The following ASIP variants were observed in gnomAD, a reference collection of about 807,000 sequenced individuals.
ASIP encodes the protein agouti signaling protein.
In ASIP, 11 loss-of-function variants were observed where a neutral mutation model predicts 10.3. The ratio of observed to expected loss-of-function variants is 1.07; its 90% CI spans 0.68 to 1.78. ASIP has a LOEUF of 1.78. Among genes scored for constraint, ASIP ranks in the 40% most tolerant of loss-of-function variants. The pLI is 0.00. For missense variants in ASIP, 180 were observed against 169.2 expected, an observed-to-expected ratio of 1.06 and a Z score of -0.35; for synonymous variants, 70 against 70.8, an observed-to-expected ratio of 0.99 and a Z score of 0.06.
At chr20:34,253,469 T>A (rs1322859563) in intron 1 of ASIP, among the ~76,000 whole-genome samples, 1 of 150,088 alleles carries the variant, frequency 6.7e-6, no homozygotes, top group Non-Finnish European at 1.5e-5. Flanking sequence ...ATTTATTTAT[T>A]TATTTATTTA....
intron 1 of ASIP, chr20:34,213,972 C>A: frequency 6.3e-7 from 1 of 1,578,506 alleles, no homozygotes; most frequent in Non-Finnish European, 8.6e-7. Context: ...AATTTTCTAA[C>A]AGAATTTTAA....
intron 1 of ASIP, chr20:34,215,289 C>G: frequency 6.5e-7 from 1 of 1,541,100 alleles, no homozygotes; most frequent in Admixed American, 1.7e-5. Flanking sequence ...ACTGACACAT[C>G]ACTTCAGAAT....
At chr20:34,195,339 A>G (rs1314526115) in intron 1 of ASIP, among the ~76,000 whole-genome samples, 1 of 152,158 alleles carries the variant, frequency 6.6e-6, no homozygotes, top group Admixed American at 6.5e-5. Context: ...GAGTCTCCCA[A>G]CTGAGCTGAG....
chr20:34,225,140 C>T (rs1260894752), intron 1 of ASIP, among the ~76,000 whole-genome samples: 1 of 144,270 alleles, frequency 6.9e-6, no homozygotes, highest in Non-Finnish European at 1.5e-5. Flanking sequence ...CTCCTGGGTT[C>T]AAGCGATTCT....
upstream of ASIP, among the ~76,000 whole-genome samples, chr20:34,190,051 G>A (rs1403820824): frequency 2.0e-5 from 3 of 152,156 alleles, no homozygotes; most frequent in South Asian, 2.1e-4. Flanking sequence ...CTAACCCAGC[G>A]CCATGGACCA....
intron 1 of ASIP, among the ~76,000 whole-genome samples, chr20:34,217,554 C>G (rs534893079): frequency 6.6e-6 from 1 of 150,448 alleles, no homozygotes. Context: ...CTACTGAAAG[C>G]TTATTTATGT....
intron 1 of ASIP, among the ~76,000 whole-genome samples, chr20:34,253,957 A>G (rs2035526423): frequency 6.6e-6 from 1 of 152,240 alleles, no homozygotes; most frequent in South Asian, 2.1e-4. Context: ...GATATCACAC[A>G]TCAAATAACA....
At chr20:34,236,030 AAG>A (rs1398564594) in intron 1 of ASIP, among the ~76,000 whole-genome samples, 1 of 141,430 alleles carries the variant, frequency 7.1e-6, no homozygotes, top group Non-Finnish European at 1.5e-5. Context: ...GAGAAGAAGA[AAG>A]AGAAAGAAAC....
intron 1 of ASIP, chr20:34,213,436 G>T: frequency 2.1e-6 from 2 of 933,706 alleles, no homozygotes; most frequent in Non-Finnish European, 3.2e-6. Flanking sequence ...AAGTGGCTTT[G>T]GAATTGAGTC....
chr20:34,200,416 C>T (rs1332208207), intron 1 of ASIP, among the ~76,000 whole-genome samples: 1 of 152,218 alleles, frequency 6.6e-6, no homozygotes, highest in Non-Finnish European at 1.5e-5. Context: ...TGGTAATGTA[C>T]ATTGTGGGGT....
At chr20:34,236,539 C>A (rs1207937724), upstream of ASIP, among the ~76,000 whole-genome samples, 1 of 149,988 alleles carries the variant, frequency 6.7e-6, no homozygotes. Context: ...AGTGAAAACT[C>A]TGTCTCAAAA....
chr20:34,264,128 T>C (rs1026947356), intron 3 of ASIP, among the ~76,000 whole-genome samples: 2 of 152,200 alleles, frequency 1.3e-5, no homozygotes, highest in Admixed American at 6.5e-5. Context: ...TATCATACAA[T>C]ATACATAAAT....
chr20:34,261,245 C>A (rs2035684089), intron 2 of ASIP, among the ~76,000 whole-genome samples: 1 of 152,170 alleles, frequency 6.6e-6, no homozygotes, highest in Non-Finnish European at 1.5e-5. Flanking sequence ...CACCTGTAAT[C>A]CCAGCACTTT....
chr20:34,245,099 G>A (rs2035347585), intron 1 of ASIP, among the ~76,000 whole-genome samples: 1 of 151,938 alleles, frequency 6.6e-6, no homozygotes, highest in Admixed American at 6.6e-5. Context: ...ACTTTGGGAG[G>A]CCAAGGTGGG....
chr20:34,195,489 G>T (rs752990372), intron 1 of ASIP, among the ~76,000 whole-genome samples: 1 of 152,160 alleles, frequency 6.6e-6, no homozygotes, highest in Non-Finnish European at 1.5e-5. Context: ...GGGCACTTAC[G>T]CTGATGGCTT....
At chr20:34,192,522 T>TTC (rs1555820193), upstream of ASIP, among the ~76,000 whole-genome samples, 17 of 75,514 alleles carry the variant, frequency 2.3e-4, no homozygotes, top group South Asian at 2.7e-3. Context: ...TTTCTTCTTC[T>TTC]TTTTTTTTTT....
At chr20:34,243,622 T>TA (rs1004021656) in intron 1 of ASIP, among the ~76,000 whole-genome samples, 2 of 152,116 alleles carry the variant, frequency 1.3e-5, no homozygotes, top group Admixed American at 1.3e-4. Flanking sequence ...AATACATATG[T>TA]AACACATACC....
At chr20:34,223,237 G>C (rs994992500) in intron 1 of ASIP, among the ~76,000 whole-genome samples, 1 of 149,930 alleles carries the variant, frequency 6.7e-6, no homozygotes, top group African/African-American at 2.5e-5. Flanking sequence ...GTCTCTGCCC[G>C]GCCGCCCATC....
intron 1 of ASIP, among the ~76,000 whole-genome samples, chr20:34,260,019 G>A (rs1342143419): frequency 6.6e-6 from 1 of 151,724 alleles, no homozygotes; most frequent in Non-Finnish European, 1.5e-5. Flanking sequence ...CAACAACTCT[G>A]CCCAGGCCTG....
Sources: allele counts gnomAD v4.1 joint callset (sites outside exome capture counted in the v4.1 genomes callset), GRCh38; gene constraint gnomAD v4.1.1; transcripts MANE v1.5; gene names NCBI Gene and HGNC (gene_info 2026-07-23, HGNC 2026-07-21).